The following MAN1A1 variants were observed in gnomAD, a reference collection of about 807,000 sequenced individuals.
MAN1A1 encodes mannosidase alpha class 1A member 1.
Under a neutral mutation model 70.8 loss-of-function variants are expected in MAN1A1, and 29 were observed. The ratio of observed to expected loss-of-function variants is 0.41; its 90% confidence interval spans 0.31 to 0.56. MAN1A1 has a LOEUF of 0.56. MAN1A1 is among the 20% of genes least tolerant of loss of function. The pLI is 0.29. For missense variants in MAN1A1, 747 were observed against 841.3 expected, an observed-to-expected ratio of 0.89 and a Z score of 1.39; for synonymous variants, 349 against 330.1, an observed-to-expected ratio of 1.06 and a Z score of -0.62.
chr6:119,288,550 C>G (rs139035609), intron 5 of MAN1A1, among the ~76,000 whole-genome samples: 3 of 151,944 alleles, frequency 2.0e-5, no homozygotes, highest in East Asian at 1.9e-4. Flanking sequence ...ATGGCCAATT[C>G]CCCTGAATGC....
In MAN1A1 at chr6:119,343,136, G is replaced by GA. The variant is rs796450746; in HGVS notation, c.603+5326dup. Among the ~76,000 whole-genome samples the GA allele has an allele frequency of 7.6e-3, 1,016 of 133,494 alleles. 2 individuals carry two copies. The highest frequency in any genetic ancestry group is 0.019 in the Middle Eastern group (5 of 258). The allele number at this position is 133,494 out of a possible 152,430, so 87.6% of individuals were successfully genotyped here. Reference sequence around the variant, plus strand: ...AAACTACTTTGATCCATCGTTGGCTGAAAAAAAAAAAAAGAAAAACCACCA... The same window carrying GA: ...AAACTACTTTGATCCATCGTTGGCTGAAAAAAAAAAAAAAGAAAAACCACCA... On this transcript the variant is annotated intron_variant, in intron 2 of 12. Transcript: ENST00000368468.
chr6:119,283,551 G>C (rs1471804369), intron 5 of MAN1A1, among the ~76,000 whole-genome samples: 1 of 151,918 alleles, frequency 6.6e-6, no homozygotes, highest in East Asian at 1.9e-4. Flanking sequence ...AGAAAAGGAA[G>C]TGAAGGTGGG....
At chr6:119,312,753 C>A (rs560448529) in intron 2 of MAN1A1, among the ~76,000 whole-genome samples, 49 of 152,300 alleles carry the variant, frequency 3.2e-4, no homozygotes, top group Non-Finnish European at 5.7e-4. Flanking sequence ...AAAAGAATAA[C>A]CCATTTTAAC....
intron 5 of MAN1A1, among the ~76,000 whole-genome samples, chr6:119,259,038 T>G (rs779555840): frequency 1.3e-5 from 2 of 152,182 alleles, no homozygotes; most frequent in African/African-American, 4.8e-5. Flanking sequence ...GGCTATAAGA[T>G]AGTGGTTTCC....
chr6:119,252,716 C>T (rs551974480), intron 5 of MAN1A1, among the ~76,000 whole-genome samples: 2 of 152,128 alleles, frequency 1.3e-5, no homozygotes, highest in East Asian at 1.9e-4. Flanking sequence ...CACTTGAACC[C>T]GGGAGGCGGC....
chr6:119,290,434 A>G lies in MAN1A1; in HGVS notation c.897+249T>C, dbSNP rs187460282. 6.5e-4 allele frequency among the ~76,000 whole-genome samples: 99 copies of G among 151,558 alleles called. 1 individual carries two copies. The highest frequency in any genetic ancestry group is 6.5e-3 in the Admixed American group (98 of 15,168). On this transcript the variant is annotated intron_variant, in intron 5 of 12. Coordinates refer to ENST00000368468, the MANE Select transcript of MAN1A1 (RefSeq NM_005907.4). ...TAATTTGTAGCTATAATCACACCAT[A>G]CATAACATAATAGAGCCAGTTTCTA...
intron 6 of MAN1A1, among the ~76,000 whole-genome samples, chr6:119,220,236 T>G (rs1195375806): frequency 6.6e-6 from 1 of 152,116 alleles, no homozygotes; most frequent in East Asian, 1.9e-4. Flanking sequence ...TTGGAGTTGC[T>G]GATCCAATCA....
intron 6 of MAN1A1, among the ~76,000 whole-genome samples, chr6:119,226,888 C>A (rs946560841): frequency 1.3e-5 from 2 of 152,084 alleles, no homozygotes; most frequent in Non-Finnish European, 2.9e-5. Context: ...CCCAGCTGGT[C>A]TTGAACTCCT....
chr6:119,236,849 T>G (rs140134412), intron 6 of MAN1A1, among the ~76,000 whole-genome samples: 2 of 152,200 alleles, frequency 1.3e-5, no homozygotes, highest in South Asian at 4.1e-4. Context: ...TGGAAAAGAT[T>G]TGCCATTATA....
In MAN1A1 at chr6:119,201,367, G is replaced by A. The variant is rs1200949299; in HGVS notation, c.1117-20C>T. ...CATTACCTATAATAGAAAATAAAAT[G>A]TTACCGTGAAAATCTAAAAAACAAT... On this transcript the variant is annotated intron_variant, in intron 7 of 12. Transcript: ENST00000368468. 6.5e-7 allele frequency: 1 copy of A among 1,544,680 alleles called. No individual in the cohort carries two copies. Among genetic ancestry groups the A allele is most frequent in the Non-Finnish European group, 8.9e-7 (1 of 1,120,582 alleles).
At chr6:119,212,497 C>CTAGA (rs1774083260) in intron 6 of MAN1A1, among the ~76,000 whole-genome samples, 1 of 152,118 alleles carries the variant, frequency 6.6e-6, no homozygotes, top group Non-Finnish European at 1.5e-5. Context: ...TGAGTGCTTA[C>CTAGA]TCTATGCCCG....
At chr6:119,213,227 G>A (rs1368578146) in intron 6 of MAN1A1, among the ~76,000 whole-genome samples, 1 of 152,128 alleles carries the variant, frequency 6.6e-6, no homozygotes, top group Admixed American at 6.5e-5. Flanking sequence ...AAATAAAAAT[G>A]TGCGCATAGC....
upstream of MAN1A1, chr6:119,350,431 C>G (rs1700893187): frequency 8.6e-6 from 5 of 578,858 alleles, no homozygotes; most frequent in South Asian, 7.7e-5. Context: ...TTGCTTAGGA[C>G]TTTTTTCGTA....
At chr6:119,224,886 T>C (rs1192927930) in intron 6 of MAN1A1, among the ~76,000 whole-genome samples, 1 of 152,182 alleles carries the variant, frequency 6.6e-6, no homozygotes, top group African/African-American at 2.4e-5. Context: ...CCCAGCACTC[T>C]GGGAGGCCGA....
At position 119,290,799 on chromosome 6, in the gene MAN1A1, C is replaced by T. The variant is rs532307467; in HGVS notation, c.817-36G>A. On this transcript the variant is annotated intron_variant, in intron 4 of 12. Transcript: ENST00000368468. ...AAAAAATTCAAACATGATGATAGTA[C>T]ACAATTCAGAAAACCATTATTGTGA... The T allele has an allele frequency of 8.5e-5, 110 of 1,298,492 alleles. No individual in the cohort carries two copies. In the South Asian group the frequency reaches 1.2e-3, roughly 14 times the overall value. The allele number at this position is 1,298,492 out of a possible 1,614,324, so 80.4% of individuals were successfully genotyped here.
At chr6:119,342,789 G>A (rs1311869955) in intron 2 of MAN1A1, among the ~76,000 whole-genome samples, 1 of 152,078 alleles carries the variant, frequency 6.6e-6, no homozygotes, top group Admixed American at 6.5e-5. Flanking sequence ...TATTATCCAT[G>A]GTGCAATATC....
intron 8 of MAN1A1, among the ~76,000 whole-genome samples, chr6:119,200,051 GA>G (rs1014215196): frequency 1.3e-5 from 2 of 152,136 alleles, no homozygotes; most frequent in African/African-American, 4.8e-5. Flanking sequence ...CAACACATTA[GA>G]AAAGGCAGAA....
Position 119,178,331 on chromosome 6 carries a change from G to C in MAN1A1, c.*1488C>G, listed in dbSNP as rs911362811. On this transcript the variant is annotated 3_prime_UTR_variant, in exon 13 of 13. Transcript: ENST00000368468. ...TGACAGTTTTTAAACTACAAATGCA[G>C]CAATTTCATATGTTTCAGCCTAATC... is the stretch of plus-strand genomic sequence containing the variant. The C allele has an allele frequency of 9.2e-5, 14 of 152,198 alleles. No homozygotes were observed. Among genetic ancestry groups the C allele is most frequent in the African/African-American group, 3.4e-4 (14 of 41,564 alleles). 9.4% of individuals were successfully genotyped at this position (152,198 alleles called of 1,614,324 possible). A position where few individuals can be genotyped will look rare whatever the true frequency, so the allele number is the denominator to read the frequency against.
intron 7 of MAN1A1, among the ~76,000 whole-genome samples, chr6:119,203,643 A>G (rs1410991570): frequency 6.6e-6 from 1 of 152,052 alleles, no homozygotes; most frequent in Non-Finnish European, 1.5e-5. Flanking sequence ...GAGACACCCA[A>G]AGGATTTCTT....
Sources: allele counts gnomAD v4.1 joint callset (sites outside exome capture counted in the v4.1 genomes callset), GRCh38; gene constraint gnomAD v4.1.1; transcripts MANE v1.5; gene names NCBI Gene and HGNC (gene_info 2026-07-23, HGNC 2026-07-21).